The following VWA8 variants were observed in gnomAD, a reference collection of about 807,000 sequenced individuals.
The protein encoded by VWA8 is von Willebrand factor A domain containing 8, also known as von Willebrand factor A domain-containing protein 8.
In VWA8, 221 loss-of-function variants were observed where a neutral mutation model predicts 241.5. The ratio of observed to expected loss-of-function variants is 0.91; its 90% CI spans 0.82 to 1.02. VWA8 has a LOEUF of 1.02. Among genes scored for constraint, VWA8 ranks in the 50% least tolerant of loss-of-function variants. VWA8 has a pLI of 0.00. For missense variants in VWA8, 2,322 were observed against 2,328.7 expected (o/e 1.00, Z 0.06); for synonymous variants, 852 against 827.1 (o/e 1.03, Z -0.52).
intron 37 of VWA8, among the ~76,000 whole-genome samples, chr13:41,633,796 T>C (rs1024423537): frequency 6.6e-6 from 1 of 152,124 alleles, no homozygotes; most frequent in Non-Finnish European, 1.5e-5. Context: ...CAATCGAACA[T>C]AGGCGGGTTG....
Position 41,960,904 on chromosome 13 carries a change from T to C in VWA8, c.112A>G (p.Arg38Gly). 6.6e-7 allele frequency: 1 copy of C among 1,513,054 alleles called. No homozygotes were observed. Among genetic ancestry groups the C allele is most frequent in the Non-Finnish European group, 8.8e-7 (1 of 1,137,134 alleles). The allele number at this position is 1,513,054 out of a possible 1,614,324, so 93.7% of individuals were successfully genotyped here. ...AACAGTCTGACCTCCGGCCGCTGCC[T>C]GTCGCCACCCGGCCTGCGCTGCACC... Reference protein sequence around the residue: ...QVVQRRPGGDRQRPEVRLLHA... With the variant: ...QVVQRRPGGDGQRPEVRLLHA... Residue 38 changes from arginine (R) to glycine (G), a missense_variant, in exon 1 of 45, where the codon AGG (arginine) becomes GGG (glycine). By Grantham distance (125) the Arg-to-Gly change is moderately radical (BLOSUM62 -2). Coordinates refer to ENST00000379310, the MANE Select transcript of VWA8 (RefSeq NM_015058.2).
intron 37 of VWA8, among the ~76,000 whole-genome samples, chr13:41,667,320 T>C (rs200433543): frequency 2.6e-5 from 4 of 152,238 alleles, no homozygotes; most frequent in Admixed American, 2.0e-4. Context: ...AGACTAATAG[T>C]GCTAAACATA....
chr13:41,825,604 A>T (rs774819429), intron 14 of VWA8, among the ~76,000 whole-genome samples: 2 of 152,168 alleles, frequency 1.3e-5, no homozygotes, highest in Non-Finnish European at 2.9e-5. Context: ...TCTTCCTCTT[A>T]AAAAAGCAAA....
chr13:41,713,720 T>G (rs756043601), intron 26 of VWA8, among the ~76,000 whole-genome samples: 32 of 152,190 alleles, frequency 2.1e-4, no homozygotes, highest in Non-Finnish European at 3.5e-4. Flanking sequence ...CACAAAGCAC[T>G]GATACTAATG....
chr13:41,960,764 G>A (rs1878573755), intron 1 of VWA8, 89 bp downstream of exon 1: 1 of 1,414,888 alleles, frequency 7.1e-7, no homozygotes, highest in Non-Finnish European at 9.2e-7. Flanking sequence ...CAAGCGCAGC[G>A]AAGCAACAGA....
At chr13:41,698,368 T>A (rs1012027054) in intron 29 of VWA8, among the ~76,000 whole-genome samples, 1 of 152,076 alleles carries the variant, frequency 6.6e-6, no homozygotes, top group Non-Finnish European at 1.5e-5. Flanking sequence ...ACTTAGACCT[T>A]TAGAATGATC....
At chr13:41,706,207 G>A (rs1298974931) in intron 26 of VWA8, among the ~76,000 whole-genome samples, 2 of 152,146 alleles carry the variant, frequency 1.3e-5, no homozygotes, top group African/African-American at 4.8e-5. Context: ...ATAAAATCTG[G>A]TTTGAACTTG....
intron 12 of VWA8, among the ~76,000 whole-genome samples, chr13:41,836,876 T>C (rs1181667584): frequency 2.0e-5 from 3 of 152,196 alleles, no homozygotes; most frequent in Non-Finnish European, 4.4e-5. Context: ...AGACCAGAAA[T>C]GTTCTTCCTC....
chr13:41,815,090 T>C (rs1870632153), intron 16 of VWA8, among the ~76,000 whole-genome samples: 1 of 151,672 alleles, frequency 6.6e-6, no homozygotes, highest in South Asian at 2.1e-4. Context: ...GGAAAGTGAG[T>C]AAACATGCAG....
At chr13:41,771,390 T>G (rs2045821991) in intron 20 of VWA8, among the ~76,000 whole-genome samples, 1 of 152,200 alleles carries the variant, frequency 6.6e-6, no homozygotes. Context: ...CCCAAAGGGC[T>G]GGGATTACAG....
intron 36 of VWA8, among the ~76,000 whole-genome samples, chr13:41,673,623 T>C (rs1593688813): frequency 6.6e-6 from 1 of 152,374 alleles, no homozygotes; most frequent in African/African-American, 2.4e-5. Context: ...AAAAATTTCA[T>C]ATTGACTACA....
intron 12 of VWA8, among the ~76,000 whole-genome samples, chr13:41,838,035 A>G (rs1260528470): frequency 2.0e-5 from 3 of 152,182 alleles, no homozygotes; most frequent in Admixed American, 2.0e-4. Context: ...TTCCATGTCA[A>G]TTGGAATTAT....
chr13:41,573,562 GTA>G (rs1168743361), intron 43 of VWA8, among the ~76,000 whole-genome samples: 15 of 128,080 alleles, frequency 1.2e-4, no homozygotes, highest in East Asian at 2.2e-4. Flanking sequence ...ATATATACAC[GTA>G]TATATATGTA....
intron 12 of VWA8, among the ~76,000 whole-genome samples, chr13:41,835,130 A>G (rs188001254): frequency 6.6e-6 from 1 of 152,310 alleles, no homozygotes; most frequent in Admixed American, 6.5e-5. Context: ...CAGCTAATGG[A>G]TGATGGGCTT....
rs1439247898 is a variant in VWA8 at position 41,575,907 on chromosome 13, T to TTCAAC, written c.5272-74_5272-70dup. The TTCAAC allele has an allele frequency of 4.2e-6, 5 of 1,182,324 alleles. No individual in the cohort carries two copies. In the East Asian group the frequency reaches 1.2e-4, roughly 28 times the overall value. 73.2% of individuals were successfully genotyped at this position (1,182,324 alleles called of 1,614,324 possible). The stretch of plus-strand genomic sequence containing the variant: ...AAGAACAGTCATTAGATCTTTAATG[T>TTCAAC]TCAACTCTTTGGACCATTATTGTCC... On this transcript the variant is annotated intron_variant, in intron 42 of 44. Coordinates refer to ENST00000379310, the MANE Select transcript of VWA8 (RefSeq NM_015058.2).
chr13:41,935,520 A>C (rs1483384495), intron 2 of VWA8, among the ~76,000 whole-genome samples: 2 of 152,158 alleles, frequency 1.3e-5, no homozygotes, highest in African/African-American at 4.8e-5. Flanking sequence ...TAAAAGTTGC[A>C]TTTAAACATG....
At chr13:41,954,990 G>T (rs924675560) in intron 1 of VWA8, among the ~76,000 whole-genome samples, 3 of 152,076 alleles carry the variant, frequency 2.0e-5, no homozygotes, top group East Asian at 1.9e-4. Flanking sequence ...TTGGTGCAAG[G>T]CCTAAGTTTT....
chr13:41,828,585 T>C (rs1003207307), intron 14 of VWA8, among the ~76,000 whole-genome samples: 1 of 152,204 alleles, frequency 6.6e-6, no homozygotes, highest in African/African-American at 2.4e-5. Flanking sequence ...ACCTAGATAT[T>C]GCTAACTGTT....
chr13:41,835,715 T>A (rs902604637), intron 12 of VWA8, among the ~76,000 whole-genome samples: 1 of 152,182 alleles, frequency 6.6e-6, no homozygotes, highest in African/African-American at 2.4e-5. Flanking sequence ...TACATATGCA[T>A]ATACATGTGC....
Sources: gnomAD v4.1 joint callset for allele counts (sites outside exome capture counted in the v4.1 genomes callset) on GRCh38, gnomAD v4.1.1 for gene constraint, MANE v1.5 for transcripts, NCBI Gene and HGNC (gene_info 2026-07-23, HGNC 2026-07-21) for gene names.